IPO8: variants seen among roughly 807,000 people sequenced by gnomAD.
IPO8 encodes the protein importin-8.
Under a neutral mutation model 141.2 loss-of-function variants are expected in IPO8, and 65 were observed. That is an observed-to-expected ratio of 0.46 (90% CI 0.38 to 0.57). IPO8 has a LOEUF of 0.57. IPO8 is among the 20% of genes least tolerant of loss of function. IPO8 has a pLI of 0.00. For missense variants in IPO8, 980 were observed against 1,246.8 expected (o/e 0.79, Z 3.22); for synonymous variants, 411 against 420.3 (o/e 0.98, Z 0.27).
intron 5 of IPO8, among the ~76,000 whole-genome samples, chr12:30,677,554 T>C (rs1324185086): frequency 2.0e-5 from 3 of 152,214 alleles, no homozygotes; most frequent in East Asian, 1.9e-4. Context: ...CCAGAAGGCA[T>C]TGTTATCATA....
intron 19 of IPO8, among the ~76,000 whole-genome samples, chr12:30,649,472 C>G (rs191507810): frequency 3.6e-4 from 55 of 152,210 alleles, no homozygotes; most frequent in African/African-American, 1.2e-3. Context: ...ACTATATGAG[C>G]TAATTTTCCA....
chr12:30,659,507 A>AC (rs939985360), intron 16 of IPO8, among the ~76,000 whole-genome samples: 11 of 145,496 alleles, frequency 7.6e-5, no homozygotes, highest in African/African-American at 1.4e-4. Context: ...AAATAAACAA[A>AC]AAAAAAAAAA....
intron 5 of IPO8, among the ~76,000 whole-genome samples, chr12:30,677,869 GCTCACGC>G (rs1431316892): frequency 6.6e-6 from 1 of 152,112 alleles, no homozygotes; most frequent in Non-Finnish European, 1.5e-5. Context: ...AGGCGTGGTG[GCTCACGC>G]CTGTAATCTC....
At chr12:30,663,757 G>A in intron 13 of IPO8, 103 bp from the exon 14 acceptor site, 2 of 902,168 alleles carry the variant, frequency 2.2e-6, no homozygotes, top group Non-Finnish European at 3.0e-6. Flanking sequence ...ATTCTATGAA[G>A]AAATGTTTGC....
intron 17 of IPO8, 128 bp downstream of exon 17, chr12:30,656,556 T>C (rs1422978456): frequency 1.7e-5 from 9 of 524,352 alleles, no homozygotes; most frequent in Non-Finnish European, 3.1e-5. Flanking sequence ...CATCCAAAAA[T>C]TGAAGTGATT....
intron 1 of IPO8, among the ~76,000 whole-genome samples, chr12:30,692,521 T>G (rs1313688070): frequency 6.6e-6 from 1 of 152,244 alleles, no homozygotes; most frequent in Non-Finnish European, 1.5e-5. Flanking sequence ...TAAATAAGAC[T>G]AATTTCTCAA....
At chr12:30,633,726 T>G (rs1057069642) in intron 23 of IPO8, among the ~76,000 whole-genome samples, 4 of 152,350 alleles carry the variant, frequency 2.6e-5, no homozygotes, top group African/African-American at 9.6e-5. Context: ...AGCCACAATT[T>G]TTAAGCAATG....
Position 30,662,406 on chromosome 12 carries a change from ACAT to A in IPO8, c.1673_1675del (p.Asp558del). 1 of 1,613,416 alleles carries A rather than the reference ACAT, an allele frequency of 6.2e-7. No individual in the cohort carries two copies. Among genetic ancestry groups the A allele is most frequent in the East Asian group, 2.2e-5 (1 of 44,862 alleles). On this transcript the variant is annotated inframe_deletion, in exon 15 of 25. Transcript: ENST00000256079. ...TATCATCTTCTGGATGACATTAGTAACATCATCATTTTCTGTCTCTCTAACAAT... is the reference window on the plus strand; with the variant it reads ...TATCATCTTCTGGATGACATTAGTAACATCATTTTCTGTCTCTCTAACAAT...
intron 23 of IPO8, among the ~76,000 whole-genome samples, chr12:30,632,592 C>A (rs2052448183): frequency 3.9e-5 from 6 of 152,176 alleles, no homozygotes; most frequent in Admixed American, 3.9e-4. Context: ...CCTCTCCACA[C>A]CCAAAGCTCT....
chr12:30,655,857 T>C (rs183904983), intron 17 of IPO8, among the ~76,000 whole-genome samples: 2 of 152,322 alleles, frequency 1.3e-5, no homozygotes, highest in East Asian at 3.9e-4. Context: ...TCCTGCATCC[T>C]TCTATCTGAG....
At chr12:30,680,192 A>T (rs1224905489) in intron 5 of IPO8, among the ~76,000 whole-genome samples, 1 of 152,064 alleles carries the variant, frequency 6.6e-6, no homozygotes, top group Non-Finnish European at 1.5e-5. Context: ...AATGCTACAG[A>T]ACAGATAGTT....
chr12:30,692,776 T>C (rs11051033), intron 1 of IPO8, among the ~76,000 whole-genome samples: 2,409 of 152,194 alleles, frequency 0.016, 63 homozygotes, highest in African/African-American at 0.055. Flanking sequence ...TGAACTGTTG[T>C]TCCTCTCTCT....
intron 9 of IPO8, 130 bp from the exon 10 acceptor site, chr12:30,669,412 C>A: frequency 4.1e-6 from 2 of 487,662 alleles, no homozygotes; most frequent in Non-Finnish European, 7.2e-6. Flanking sequence ...TGTAAAATGT[C>A]AAGTCGAGGT....
At chr12:30,688,134 A>G (rs1484341476) in intron 2 of IPO8, among the ~76,000 whole-genome samples, 1 of 152,204 alleles carries the variant, frequency 6.6e-6, no homozygotes, top group Non-Finnish European at 1.5e-5. Flanking sequence ...GTAAAAAATT[A>G]GAAACAAAAG....
chr12:30,688,762 A>C (rs967156144), intron 2 of IPO8: 1 of 154,786 alleles, frequency 6.5e-6, no homozygotes, highest in Non-Finnish European at 1.4e-5. Context: ...ATTCTAATGC[A>C]CTGTTGGTAG....
At position 30,630,193 on chromosome 12, in the gene IPO8, G is replaced by C. The variant is rs1297892211; in HGVS notation, c.*667C>G. The stretch of plus-strand genomic sequence containing the variant: ...CCCTTTTCAAGGCAGAAAAAAATGA[G>C]AGAAGAGGGAGTAAGACACTTCTTT... On this transcript the variant is annotated 3_prime_UTR_variant, in exon 25 of 25. Transcript: ENST00000256079. 1 of 131,114 alleles carries C rather than the reference G, an allele frequency of 7.6e-6. No individual in the cohort carries two copies. Among genetic ancestry groups the C allele is most frequent in the Non-Finnish European group, 1.7e-5 (1 of 57,216 alleles). 8.1% of individuals were successfully genotyped at this position (131,114 alleles called of 1,614,324 possible).
intron 21 of IPO8, 75 bp downstream of exon 21, chr12:30,639,440 T>C (rs2052547393): frequency 2.3e-6 from 2 of 881,650 alleles, no homozygotes; most frequent in South Asian, 1.5e-5. Flanking sequence ...TCTTTGTACA[T>C]GCTATTATAC....
At position 30,629,425 on chromosome 12, in the gene IPO8, T is replaced by G. The variant is rs1209332676; in HGVS notation, c.*1435A>C. On this transcript the variant is annotated 3_prime_UTR_variant, in exon 25 of 25. Coordinates refer to ENST00000256079, the MANE Select transcript of IPO8 (RefSeq NM_006390.4). ...AACTCATGGTTTTCCAGGCTACTTCTATAGACATCACTTAACCTAAAATTC... is the reference window on the plus strand; with the variant it reads ...AACTCATGGTTTTCCAGGCTACTTCGATAGACATCACTTAACCTAAAATTC... 1 of 152,196 alleles carries G rather than the reference T, an allele frequency of 6.6e-6. No homozygotes were observed. The highest frequency in any genetic ancestry group is 1.5e-5 in the Non-Finnish European group (1 of 68,040). 9.4% of individuals were successfully genotyped at this position (152,196 alleles called of 1,614,324 possible). A position where few individuals can be genotyped will look rare whatever the true frequency, so the allele number is the denominator to read the frequency against.
At chr12:30,674,467 A>G (rs1488900390) in intron 7 of IPO8, among the ~76,000 whole-genome samples, 192 bp downstream of exon 7, 4 of 152,170 alleles carry the variant, frequency 2.6e-5, no homozygotes, top group African/African-American at 9.7e-5. Flanking sequence ...TTATTTTTCC[A>G]AGTTTTTCAC....
Sources: allele counts gnomAD v4.1 joint callset (sites outside exome capture counted in the v4.1 genomes callset), GRCh38; gene constraint gnomAD v4.1.1; transcripts MANE v1.5; gene names NCBI Gene and HGNC (gene_info 2026-07-23, HGNC 2026-07-21).